Variants in HPN observed in about 807,000 individuals in gnomAD.
HPN encodes the protein hepsin, also known as serine protease hepsin.
Under a neutral mutation model 55.9 loss-of-function variants are expected in HPN, and 13 were observed. The ratio of observed to expected loss-of-function variants is 0.23; its 90% CI spans 0.15 to 0.37. The LOEUF is 0.37. Among genes scored for constraint, HPN ranks in the 10% least tolerant of loss-of-function variants. The pLI is 1.00. For missense variants in HPN, 451 were observed against 575.8 expected, an observed-to-expected ratio of 0.78 and a Z score of 2.22; for synonymous variants, 225 against 240.3, an observed-to-expected ratio of 0.94 and a Z score of 0.59.
intron 2 of HPN, among the ~76,000 whole-genome samples, chr19:35,044,987 GA>G (rs1021985802): frequency 3.0e-4 from 45 of 152,240 alleles, no homozygotes; most frequent in African/African-American, 1.0e-3. Flanking sequence ...TGCAGATGGG[GA>G]TGGTCCTAGG....
intron 2 of HPN, among the ~76,000 whole-genome samples, chr19:35,043,561 G>A (rs2064314603): frequency 6.6e-6 from 1 of 152,218 alleles, no homozygotes; most frequent in Non-Finnish European, 1.5e-5. Context: ...GTGGGGCGAG[G>A]CCTGAAATGC....
rs143311934 is a variant in HPN, at chr19:35,051,356, G to A, written c.160+1840G>A. Among the ~76,000 whole-genome samples the A allele has an allele frequency of 2.5e-3, 384 of 152,196 alleles. 2 individuals are homozygous for A. Among genetic ancestry groups the A allele is most frequent in the African/African-American group, 9.0e-3 (372 of 41,524 alleles). On this transcript the variant is annotated intron_variant, in intron 4 of 12. Transcript: ENST00000672452. The stretch of plus-strand genomic sequence containing the variant: ...ACTCCTGACCTCAGGTGATCCACCC[G>A]TCTCGGCCTCCCAAAGTGCTGGGAC...
intron 4 of HPN, chr19:35,059,378 A>G: frequency 3.8e-6 from 2 of 523,504 alleles, no homozygotes; most frequent in South Asian, 1.9e-5. Flanking sequence ...GCTACTCAGG[A>G]GGTTGAGGTA....
At position 35,041,861 on chromosome 19, in the gene HPN, C is replaced by T. The variant is rs1328658847; in HGVS notation, c.-66C>T. 2 of 1,342,410 alleles carry T rather than the reference C, an allele frequency of 1.5e-6. No individual in the cohort carries two copies. The highest frequency in any genetic ancestry group is 3.9e-5 in the Admixed American group (2 of 51,430). The allele number at this position is 1,342,410 out of a possible 1,614,324, so 83.2% of individuals were successfully genotyped here. ...TACCTCGAGGCTCCGCCCCCACCTG[C>T]TGGACCCCAGGGTAAGGACAAGGGC... is the stretch of plus-strand genomic sequence containing the variant. On this transcript the variant is annotated 5_prime_UTR_variant, in exon 1 of 13. Coordinates refer to ENST00000672452, the MANE Select transcript of HPN (RefSeq NM_001384133.1).
chr19:35,058,552 C>CTAATAATATATTAATATTATATTA (rs1568360778), intron 4 of HPN, among the ~76,000 whole-genome samples: 4 of 144,674 alleles, frequency 2.8e-5, no homozygotes, highest in African/African-American at 1.0e-4. Flanking sequence ...GTATTATATT[C>CTAATAATATATTAATATTATATTA]TAATAATATA....
At chr19:35,046,513 G>A (rs941732696) in intron 2 of HPN, among the ~76,000 whole-genome samples, 10 of 152,186 alleles carry the variant, frequency 6.6e-5, no homozygotes, top group Admixed American at 1.3e-4. Flanking sequence ...CCAAAGGACC[G>A]GGATTACAGG....
chr19:35,046,723 A>G (rs2064345724), intron 2 of HPN, among the ~76,000 whole-genome samples: 1 of 152,258 alleles, frequency 6.6e-6, no homozygotes, highest in African/African-American at 2.4e-5. Context: ...TGCCAAGGGC[A>G]GTTGAACCCA....
chr19:35,063,628 G>T (rs1264111976), intron 9 of HPN, among the ~76,000 whole-genome samples: 1 of 152,226 alleles, frequency 6.6e-6, no homozygotes, highest in African/African-American at 2.4e-5. Flanking sequence ...AGAATCACTT[G>T]AACCCAGGAG....
rs75518596 is a variant in HPN, at chr19:35,044,334, G to A, written c.16+1812G>A. On this transcript the variant is annotated intron_variant, in intron 2 of 12. Transcript: ENST00000672452. ...TGCAATTCCAAGGATGCCAGGCAGA[G>A]GGAAGAGCAAGGCTCTTGCTCTTCT... Among the ~76,000 whole-genome samples, 157 of 152,320 alleles carry A rather than the reference G, an allele frequency of 1.0e-3. 2 individuals are homozygous for A. The highest frequency in any genetic ancestry group is 3.7e-3 in the African/African-American group (154 of 41,572).
At chr19:35,041,500 A>G (rs1024164288), upstream of HPN, among the ~76,000 whole-genome samples, 6 of 151,404 alleles carry the variant, frequency 4.0e-5, no homozygotes, top group African/African-American at 1.5e-4. Context: ...TTCTCCCTAA[A>G]CCCCCAGCCT....
In HPN at chr19:35,041,861, C is replaced by G; in HGVS notation, c.-66C>G. 2.2e-6 allele frequency: 3 copies of G among 1,342,412 alleles called. No homozygotes were observed. Among genetic ancestry groups the G allele is most frequent in the Non-Finnish European group, 2.9e-6 (3 of 1,017,710 alleles). The allele number at this position is 1,342,412 out of a possible 1,614,324, so 83.2% of individuals were successfully genotyped here. Reference sequence around the variant, plus strand: ...TACCTCGAGGCTCCGCCCCCACCTGCTGGACCCCAGGGTAAGGACAAGGGC... The same window carrying G: ...TACCTCGAGGCTCCGCCCCCACCTGGTGGACCCCAGGGTAAGGACAAGGGC... On this transcript the variant is annotated 5_prime_UTR_variant, in exon 1 of 13. Transcript: ENST00000672452.
intron 4 of HPN, among the ~76,000 whole-genome samples, chr19:35,051,361 G>T (rs1394542316): frequency 6.6e-6 from 1 of 151,636 alleles, no homozygotes; most frequent in Non-Finnish European, 1.5e-5. Flanking sequence ...CACCCGTCTC[G>T]GCCTCCCAAA....
chr19:35,058,078 G>A lies in HPN; in HGVS notation c.161-1595G>A, dbSNP rs569304030. Among the ~76,000 whole-genome samples the A allele has an allele frequency of 8.6e-5, 13 of 151,794 alleles. No individual in the cohort carries two copies. In the South Asian group the frequency reaches 2.5e-3, roughly 29 times the overall value. On this transcript the variant is annotated intron_variant, in intron 4 of 12. Transcript: ENST00000672452. Reference sequence around the variant, plus strand: ...TGAGGCAGAAGAATCGCTTGAACCCGGGAGGCAGAGGTTGCAGTGAGCTGA... The same window carrying A: ...TGAGGCAGAAGAATCGCTTGAACCCAGGAGGCAGAGGTTGCAGTGAGCTGA...
chr19:35,046,639 G>A (rs1414550332), intron 2 of HPN, among the ~76,000 whole-genome samples: 1 of 152,182 alleles, frequency 6.6e-6, no homozygotes, highest in African/African-American at 2.4e-5. Context: ...CCTGGTGCCG[G>A]GTTCACCAGC....
At chr19:35,060,292 G>T in intron 7 of HPN, 55 bp from the exon 8 acceptor site, 1 of 1,607,484 alleles carries the variant, frequency 6.2e-7, no homozygotes, top group Non-Finnish European at 8.5e-7. Context: ...CCTGGGCTCT[G>T]GGGACCTGGG....
chr19:35,058,560 A>G (rs1255735309), intron 4 of HPN, among the ~76,000 whole-genome samples: 1 of 147,368 alleles, frequency 6.8e-6, no homozygotes, highest in African/African-American at 2.5e-5. Flanking sequence ...TTCTAATAAT[A>G]TATTAATATT....
At chr19:35,060,864 A>G (rs2064523563) in intron 9 of HPN, 47 bp downstream of exon 9, 1 of 1,474,776 alleles carries the variant, frequency 6.8e-7, no homozygotes, top group African/African-American at 1.4e-5. Flanking sequence ...CGAGGCCAGG[A>G]GGACAGAGGA....
At chr19:35,049,237 C>A in intron 2 of HPN, 53 bp from the exon 3 acceptor site, 1 of 1,365,090 alleles carries the variant, frequency 7.3e-7, no homozygotes, top group Non-Finnish European at 9.8e-7. Flanking sequence ...GGCCCAGACC[C>A]TGCCGCAATG....
chr19:35,040,775 GGA>G (rs1481971862), upstream of HPN, among the ~76,000 whole-genome samples: 1 of 152,174 alleles, frequency 6.6e-6, no homozygotes, highest in Admixed American at 6.5e-5. Context: ...GGGTATGGAT[GGA>G]AAGGCAGAGG....
Sources: allele counts gnomAD v4.1 joint callset (sites outside exome capture counted in the v4.1 genomes callset), GRCh38; gene constraint gnomAD v4.1.1; transcripts MANE v1.5; gene names NCBI Gene and HGNC (gene_info 2026-07-23, HGNC 2026-07-21).